The following PABPC4L variants were observed in gnomAD, a reference collection of about 807,000 sequenced individuals.
PABPC4L encodes polyadenylate-binding protein 4-like.
For synonymous variants in PABPC4L, 169 were observed against 164.1 expected (o/e 1.03, Z -0.23); for missense variants, 452 against 451.4 (o/e 1.00, Z -0.01).
the PABPC4L span, among the ~76,000 whole-genome samples, chr4:134,044,431 T>A: frequency 2.6e-5 from 4 of 151,822 alleles, no homozygotes; most frequent in Non-Finnish European, 5.9e-5. Flanking sequence ...GCCTGGCTAA[T>A]TTTTTGTATT....
At chr4:134,188,069 G>A in the PABPC4L span, among the ~76,000 whole-genome samples, 1 of 150,912 alleles carries the variant, frequency 6.6e-6, no homozygotes, top group East Asian at 2.0e-4. Context: ...CTCTTTCTTA[G>A]CATATCCATT....
the PABPC4L span, among the ~76,000 whole-genome samples, chr4:134,183,244 G>T: frequency 6.6e-6 from 1 of 151,816 alleles, no homozygotes. Context: ...AAGAAAATAT[G>T]GTACCTATAC....
chr4:134,049,790 G>A, the PABPC4L span, among the ~76,000 whole-genome samples: 1 of 152,256 alleles, frequency 6.6e-6, no homozygotes, highest in African/African-American at 2.4e-5. Flanking sequence ...TCAACATGCT[G>A]TCCCATATCA....
chr4:134,141,075 T>G, the PABPC4L span, among the ~76,000 whole-genome samples: 10 of 151,878 alleles, frequency 6.6e-5, no homozygotes, highest in African/African-American at 2.2e-4. Flanking sequence ...TTTACTTCAT[T>G]TTTCATACAA....
At chr4:134,159,397 C>G in the PABPC4L span, among the ~76,000 whole-genome samples, 19 of 152,062 alleles carry the variant, frequency 1.2e-4, no homozygotes, top group African/African-American at 4.6e-4. Flanking sequence ...AGGAAAGAGG[C>G]ATTGAAGGGG....
chr4:134,032,698 T>C, the PABPC4L span, among the ~76,000 whole-genome samples: 1 of 151,814 alleles, frequency 6.6e-6, no homozygotes, highest in African/African-American at 2.4e-5. Flanking sequence ...GATTTCTACT[T>C]AATAAACATG....
the PABPC4L span, among the ~76,000 whole-genome samples, chr4:134,185,021 CT>C: frequency 2.0e-5 from 3 of 151,984 alleles, no homozygotes; most frequent in Non-Finnish European, 4.4e-5. Context: ...AGGTAATTCA[CT>C]TGCTTATTGT....
At chr4:134,146,173 TG>T in the PABPC4L span, among the ~76,000 whole-genome samples, 1 of 152,040 alleles carries the variant, frequency 6.6e-6, no homozygotes, top group African/African-American at 2.4e-5. Context: ...ATTTTGGCTT[TG>T]TGTATCATTT....
the PABPC4L span, among the ~76,000 whole-genome samples, chr4:133,952,176 G>C: frequency 6.6e-6 from 1 of 152,150 alleles, no homozygotes; most frequent in African/African-American, 2.4e-5. Flanking sequence ...AATTCCTCCA[G>C]GACGTTTTCT....
the PABPC4L span, among the ~76,000 whole-genome samples, chr4:134,023,765 G>A: frequency 9.2e-5 from 14 of 151,938 alleles, no homozygotes; most frequent in African/African-American, 3.4e-4. Flanking sequence ...TCTTTACACT[G>A]AATAAAGAAT....
the PABPC4L span, among the ~76,000 whole-genome samples, chr4:134,038,846 A>G: frequency 4.0e-5 from 6 of 151,568 alleles, no homozygotes; most frequent in African/African-American, 1.5e-4. Flanking sequence ...GATCTTAGTT[A>G]TTTCTTGTCT....
At chr4:134,144,120 T>C in the PABPC4L span, among the ~76,000 whole-genome samples, 2 of 151,538 alleles carry the variant, frequency 1.3e-5, no homozygotes, top group African/African-American at 4.8e-5. Context: ...TAAAAACTTG[T>C]TATAGTACCT....
chr4:134,117,240 A>T, the PABPC4L span, among the ~76,000 whole-genome samples: 1 of 151,748 alleles, frequency 6.6e-6, no homozygotes, highest in Non-Finnish European at 1.5e-5. Flanking sequence ...CAGGCTGCTG[A>T]CCATGGAGGA....
At chr4:134,034,987 A>G in the PABPC4L span, among the ~76,000 whole-genome samples, 8 of 141,216 alleles carry the variant, frequency 5.7e-5, no homozygotes, top group African/African-American at 2.1e-4. Context: ...TCATGAAAGG[A>G]AGTCAGTTGA....
At chr4:134,038,558 A>G in the PABPC4L span, among the ~76,000 whole-genome samples, 888 of 152,168 alleles carry the variant, frequency 5.8e-3, 15 homozygotes, top group Middle Eastern at 0.048. Context: ...GGGAAGGTGT[A>G]TGTGTCCAGG....
the PABPC4L span, among the ~76,000 whole-genome samples, chr4:134,109,384 G>A: frequency 6.6e-6 from 1 of 151,364 alleles, no homozygotes; most frequent in African/African-American, 2.4e-5. Context: ...AAGTATAAAT[G>A]AAAGAAAAAT....
chr4:134,160,334 A>G, the PABPC4L span, among the ~76,000 whole-genome samples: 1 of 152,116 alleles, frequency 6.6e-6, no homozygotes, highest in Non-Finnish European at 1.5e-5. Context: ...CTGGTATCCC[A>G]GATAATACAC....
chr4:134,081,733 A>G, the PABPC4L span, among the ~76,000 whole-genome samples: 1 of 152,116 alleles, frequency 6.6e-6, no homozygotes, highest in Non-Finnish European at 1.5e-5. Context: ...TGTAAAAAAA[A>G]GAAAAAAGAA....
At chr4:133,949,563 T>C in the PABPC4L span, among the ~76,000 whole-genome samples, 1 of 152,194 alleles carries the variant, frequency 6.6e-6, no homozygotes, top group Non-Finnish European at 1.5e-5. Context: ...CATTTCCTAT[T>C]AGCCCCTTTT....
Sources: gnomAD v4.1 joint callset for allele counts (sites outside exome capture counted in the v4.1 genomes callset) on GRCh38, gnomAD v4.1.1 for gene constraint, MANE v1.5 for transcripts, NCBI Gene and HGNC (gene_info 2026-07-23, HGNC 2026-07-21) for gene names.